The following ABCB8 variants were observed in gnomAD, a reference collection of about 807,000 sequenced individuals.
The protein encoded by ABCB8 is mitochondrial potassium channel ATP-binding subunit.
ABCB8 carries 52 observed loss-of-function variants against 73.0 expected under a neutral mutation model. That is an observed-to-expected ratio of 0.71 (90% confidence interval 0.57 to 0.90). The LOEUF is 0.90. ABCB8 is among the 40% of genes least tolerant of loss of function. ABCB8 has a pLI of 0.00. For synonymous variants in ABCB8, 428 were observed against 423.5 expected, an observed-to-expected ratio of 1.01 and a Z score of -0.13; for missense variants, 909 against 974.6, an observed-to-expected ratio of 0.93 and a Z score of 0.90.
rs766023062 is a variant in ABCB8, at chr7:151,040,624, G to A, written c.1378G>A (p.Val460Ile). ...GCGTGGCTCCGTTACATTTCAGAAC[G>A]TCTGCTTCAGGTCAGCACGGGTGAG... The part of the protein sequence containing the change: ...QLRGSVTFQN[V>I]CFSYPCRPGF... The change falls in exon 11 of 16, where the codon GTC becomes ATC. Residue 460 changes from valine (V) to isoleucine (I), a missense_variant. Val to Ile is a conservative substitution (Grantham distance 29). Coordinates refer to ENST00000358849, the MANE Select transcript of ABCB8 (RefSeq NM_007188.5). The A allele has an allele frequency of 6.9e-5, 112 of 1,612,452 alleles. No homozygotes were observed. In the Admixed American group the frequency reaches 8.8e-4, roughly 13 times the overall value.
At chr7:151,035,449 C>A in intron 5 of ABCB8, 132 bp from the exon 6 acceptor site, 1 of 1,083,560 alleles carries the variant, frequency 9.2e-7, no homozygotes, top group African/African-American at 1.6e-5. Context: ...TGGACTGCCA[C>A]TGGGCCTCCC....
At chr7:151,037,385 C>A in intron 9 of ABCB8, 1 of 700,044 alleles carries the variant, frequency 1.4e-6, no homozygotes, top group Non-Finnish European at 2.6e-6. Flanking sequence ...ACCCCTGTCC[C>A]CACACACCCC....
intron 1 of ABCB8, chr7:151,031,176 C>G (rs1001587771): frequency 1.1e-5 from 11 of 1,034,936 alleles, no homozygotes; most frequent in African/African-American, 1.6e-5. Context: ...TAAACATTTG[C>G]GGAACATCTA....
chr7:151,037,167 A>C (rs1248836191), intron 9 of ABCB8: 1 of 702,890 alleles, frequency 1.4e-6, no homozygotes, highest in Non-Finnish European at 2.6e-6. Flanking sequence ...TGACAACTCT[A>C]GGGACGTCCT....
chr7:151,044,300 A>C, intron 15 of ABCB8, 79 bp downstream of exon 15: 1 of 1,548,750 alleles, frequency 6.5e-7, no homozygotes, highest in Non-Finnish European at 8.7e-7. Context: ...GCAATGAGTT[A>C]TATGAAGTTG....
Position 151,034,830 on chromosome 7 carries a change from G to T in ABCB8, c.765+1G>T, listed in dbSNP as rs1363717141. ...ATCCTTCAAGCTTGTCATCTCCCAG[G>T]TCAGTGGCCCAGTGGCCCCCACCAC... On this transcript the variant is annotated splice_donor_variant, in intron 5 of 15. Coordinates refer to ENST00000358849, the MANE Select transcript of ABCB8 (RefSeq NM_007188.5). LOFTEE classifies it high-confidence loss of function. 4 of 1,612,240 alleles carry T rather than the reference G, an allele frequency of 2.5e-6. No individual in the cohort carries two copies. The highest frequency in any genetic ancestry group is 3.4e-6 in the Non-Finnish European group (4 of 1,179,120).
chr7:151,040,111 C>A, intron 9 of ABCB8, 157 bp from the exon 10 acceptor site: 2 of 772,152 alleles, frequency 2.6e-6, no homozygotes, highest in Non-Finnish European at 4.1e-6. Context: ...GGTGTTGCTA[C>A]GTCCCAGGGC....
At position 151,033,840 on chromosome 7, in the gene ABCB8, G is replaced by T. The variant is rs200121425; in HGVS notation, c.331G>T (p.Val111Leu). 1.7e-4 allele frequency: 268 copies of T among 1,613,820 alleles called. 3 individuals are homozygous for T. In the East Asian group the frequency reaches 3.9e-3, roughly 24 times the overall value. The change falls in exon 2 of 16, where the codon GTG (valine) becomes TTG (leucine). Residue 111 changes from valine (V) to leucine (L), a missense_variant. Physicochemically the swap from Val to Leu is conservative, Grantham distance 32. Coordinates refer to ENST00000358849, the MANE Select transcript of ABCB8 (RefSeq NM_007188.5). The stretch of plus-strand genomic sequence containing the variant: ...TCCTGCCAGCTCCACACCCCATGTC[G>T]TGGGGTCTCGCTTTAACTGGAAGCT... The part of the protein sequence containing the change: ...APPASSTPHV[V>L]GSRFNWKLFW...
chr7:151,037,637 C>A, intron 9 of ABCB8: 1 of 374,640 alleles, frequency 2.7e-6, no homozygotes, highest in Non-Finnish European at 5.1e-6. Context: ...CCTCTGCCAC[C>A]CCATCCCTCC....
At chr7:151,039,381 C>T (rs1358746358) in intron 9 of ABCB8, 1 of 152,468 alleles carries the variant, frequency 6.6e-6, no homozygotes, top group African/African-American at 2.4e-5. Flanking sequence ...CACCCCCACC[C>T]TAGTGCTGGA....
chr7:151,028,909 G>C (rs1796057334), intron 1 of ABCB8: 5 of 1,442,126 alleles, frequency 3.5e-6, no homozygotes, highest in Non-Finnish European at 4.6e-6. Flanking sequence ...CCTGGCCCTG[G>C]AGGTGATTGC....
rs61734192 is a variant in ABCB8 at position 151,034,728 on chromosome 7, G to C, written c.664G>C (p.Asp222His). 2 of 1,614,036 alleles carry C rather than the reference G, an allele frequency of 1.2e-6. No homozygotes were observed. The highest frequency in any genetic ancestry group is 1.7e-6 in the Non-Finnish European group (2 of 1,179,924). Residue 222 changes from aspartate (D) to histidine (H), a missense_variant, in exon 5 of 16, where the codon GAC becomes CAC. Coordinates refer to ENST00000358849, the MANE Select transcript of ABCB8 (RefSeq NM_007188.5). Reference protein sequence around the residue: ...RALFSSLLRQDITFFDANKTG... With the variant: ...RALFSSLLRQHITFFDANKTG... ...TTGGTTCTTGTCCCATGCCAGACAAGACATCACCTTCTTTGACGCCAATAA... is the reference window on the plus strand; with the variant it reads ...TTGGTTCTTGTCCCATGCCAGACAACACATCACCTTCTTTGACGCCAATAA...
intron 13 of ABCB8, 68 bp downstream of exon 13, chr7:151,041,300 C>G: frequency 6.7e-7 from 1 of 1,497,124 alleles, no homozygotes; most frequent in Non-Finnish European, 8.9e-7. Context: ...CCCCCTTAGT[C>G]CTCAGGTGCC....
At chr7:151,030,937 C>T (rs1796145780) in intron 1 of ABCB8, among the ~76,000 whole-genome samples, 1 of 150,450 alleles carries the variant, frequency 6.6e-6, no homozygotes, top group Non-Finnish European at 1.5e-5. Flanking sequence ...GAGACCCTGT[C>T]TTGAAAAGAA....
At chr7:151,043,786 G>C (rs1170729025) in intron 14 of ABCB8, among the ~76,000 whole-genome samples, 185 bp from the exon 15 acceptor site, 1 of 136,566 alleles carries the variant, frequency 7.3e-6, no homozygotes, top group Non-Finnish European at 1.6e-5. Flanking sequence ...GGTGTGGGGT[G>C]GGGGGTCAGA....
At chr7:151,041,303 C>T in intron 13 of ABCB8, 71 bp downstream of exon 13, 1 of 1,494,980 alleles carries the variant, frequency 6.7e-7, no homozygotes, top group South Asian at 1.3e-5. Flanking sequence ...CCTTAGTCCT[C>T]AGGTGCCTTT....
chr7:151,046,592 A>T lies in ABCB8; in HGVS notation c.*1243A>T, dbSNP rs1796619337. ...TGGGATCCTTCCCCTATCCAGCCAC[A>T]TCCAGGCTGTGGGACTACACGGTGC... is the stretch of plus-strand genomic sequence containing the variant. On this transcript the variant is annotated 3_prime_UTR_variant, in exon 16 of 16. Transcript: ENST00000358849. 1 of 152,280 alleles carries T rather than the reference A, an allele frequency of 6.6e-6. No homozygotes were observed. The highest frequency in any genetic ancestry group is 1.5e-5 in the Non-Finnish European group (1 of 68,088). 9.4% of individuals were successfully genotyped at this position (152,280 alleles called of 1,614,324 possible). A position where few individuals can be genotyped will look rare whatever the true frequency, so the allele number is the denominator to read the frequency against.
chr7:151,041,179 C>T lies in ABCB8; in HGVS notation c.1564C>T (p.Arg522Cys), dbSNP rs767522915. Reference protein sequence around the residue: ...GVVMLDGRDLRTLDPSWLRGQ... With the variant: ...GVVMLDGRDLCTLDPSWLRGQ... ...GGTGATGCTGGATGGGCGGGACCTG[C>T]GCACCCTTGACCCCTCCTGGCTCCG... Residue 522 changes from arginine (R) to cysteine (C), a missense_variant, in exon 13 of 16, where the codon CGC becomes TGC. Coordinates refer to ENST00000358849, the MANE Select transcript of ABCB8 (RefSeq NM_007188.5). 11 of 1,609,756 alleles carry T rather than the reference C, an allele frequency of 6.8e-6. No individual in the cohort carries two copies. Among genetic ancestry groups the T allele is most frequent in the African/African-American group, 4.0e-5 (3 of 75,076 alleles).
At chr7:151,040,078 A>G (rs1214685213) in intron 9 of ABCB8, 190 bp from the exon 10 acceptor site, 3 of 608,034 alleles carry the variant, frequency 4.9e-6, no homozygotes, top group South Asian at 4.6e-5. Flanking sequence ...CTGGCCAAGG[A>G]GGGAGCCAGG....
Sources: allele counts gnomAD v4.1 joint callset (sites outside exome capture counted in the v4.1 genomes callset), GRCh38; gene constraint gnomAD v4.1.1; transcripts MANE v1.5; gene names NCBI Gene and HGNC (gene_info 2026-07-23, HGNC 2026-07-21).